Variants in GLDC observed in about 807,000 individuals in gnomAD.
GLDC encodes the protein glycine decarboxylase.
In GLDC, 104 loss-of-function variants were observed where a neutral mutation model predicts 121.3. The ratio of observed to expected loss-of-function variants is 0.86; its 90% CI spans 0.73 to 1.01. The LOEUF (loss-of-function observed/expected upper bound fraction) is 1.01. GLDC is among the 50% of genes least tolerant of loss of function. GLDC has a pLI of 0.00. For missense variants in GLDC, 1,429 were observed against 1,306.6 expected (o/e 1.09, Z -1.44); for synonymous variants, 546 against 480.6 (o/e 1.14, Z -1.78).
chr9:6,599,720 C>CAAAAAAAAAAAAAAAAAAAAAA (rs549444099), intron 8 of GLDC, among the ~76,000 whole-genome samples: 1 of 120,770 alleles, frequency 8.3e-6, no homozygotes, highest in African/African-American at 3.3e-5. Flanking sequence ...GACTCCATCT[C>CAAAAAAAAAAAAAAAAAAAAAA]AAAAAAAAAA....
intron 2 of GLDC, among the ~76,000 whole-genome samples, chr9:6,630,911 C>G (rs1391568940): frequency 6.6e-6 from 1 of 152,220 alleles, no homozygotes; most frequent in Non-Finnish European, 1.5e-5. Flanking sequence ...AGAGCCAACT[C>G]CCTGTTACTT....
rs1177431457 is a variant in GLDC, at chr9:6,582,923, AAAG to A, written c.1850+4215_1850+4217del. On this transcript the variant is annotated intron_variant, in intron 15 of 24. Coordinates refer to ENST00000321612, the MANE Select transcript of GLDC (RefSeq NM_000170.3). ...AAAGGACTTGAATACACGTTTCTCCAAAGAAGATGTACAAATGCATGGTAAGCA... is the reference window on the plus strand; with the variant it reads ...AAAGGACTTGAATACACGTTTCTCCAAAGATGTACAAATGCATGGTAAGCA... Among the ~76,000 whole-genome samples the A allele has an allele frequency of 2.6e-5, 4 of 152,206 alleles. No homozygotes were observed. In the East Asian group the frequency reaches 5.8e-4, roughly 22 times the overall value.
chr9:6,568,289 T>C (rs1817889718), intron 15 of GLDC, among the ~76,000 whole-genome samples: 1 of 152,220 alleles, frequency 6.6e-6, no homozygotes, highest in Admixed American at 6.5e-5. Flanking sequence ...GACACAAGGA[T>C]TACTACTGGG....
At chr9:6,580,602 C>G (rs1818154635) in intron 15 of GLDC, among the ~76,000 whole-genome samples, 1 of 152,160 alleles carries the variant, frequency 6.6e-6, no homozygotes, top group Admixed American at 6.5e-5. Flanking sequence ...AAAACTTGCC[C>G]CAGATCCCAA....
intron 3 of GLDC, among the ~76,000 whole-genome samples, chr9:6,619,394 G>T (rs1049006850): frequency 1.3e-5 from 2 of 151,892 alleles, no homozygotes; most frequent in African/African-American, 4.8e-5. Flanking sequence ...TTTTGGGGGT[G>T]GGAGGGGAAG....
In GLDC at chr9:6,592,846, C is replaced by T. The variant is rs1426503452; in HGVS notation, c.1401+5G>A. 2 of 1,612,386 alleles carry T rather than the reference C, an allele frequency of 1.2e-6. No homozygotes were observed. Among genetic ancestry groups the T allele is most frequent in the Non-Finnish European group, 1.7e-6 (2 of 1,179,570 alleles). ...ACTGGTAAAAATACTGAAAATTTGA[C>T]TTACTGTGCCATCCTCAAAAAGCCG... On this transcript the variant is annotated splice_donor_5th_base_variant and intron_variant, in intron 10 of 24. Coordinates refer to ENST00000321612, the MANE Select transcript of GLDC (RefSeq NM_000170.3).
chr9:6,621,605 C>T (rs985338368), intron 2 of GLDC, among the ~76,000 whole-genome samples: 1 of 152,108 alleles, frequency 6.6e-6, no homozygotes, highest in East Asian at 1.9e-4. Flanking sequence ...GCAACCTCCA[C>T]CTCCCAGGTT....
At chr9:6,605,083 A>C in intron 6 of GLDC, 48 bp downstream of exon 6, 1 of 1,524,274 alleles carries the variant, frequency 6.6e-7, no homozygotes, top group Non-Finnish European at 9.1e-7. Context: ...AGACAGATAC[A>C]AGTTGGGATA....
chr9:6,579,711 A>G (rs1818138655), intron 15 of GLDC, among the ~76,000 whole-genome samples: 1 of 152,084 alleles, frequency 6.6e-6, no homozygotes, highest in South Asian at 2.1e-4. Context: ...TTTACTTAAT[A>G]CTGAATGTCA....
intron 8 of GLDC, among the ~76,000 whole-genome samples, chr9:6,596,921 T>C (rs1818503695): frequency 6.6e-6 from 1 of 152,186 alleles, no homozygotes; most frequent in Non-Finnish European, 1.5e-5. Context: ...ATTACATCCA[T>C]ACAAAAATTT....
chr9:6,562,273 C>G (rs1817773144), intron 16 of GLDC, among the ~76,000 whole-genome samples: 1 of 152,122 alleles, frequency 6.6e-6, no homozygotes, highest in Non-Finnish European at 1.5e-5. Flanking sequence ...ATTTTAGGAA[C>G]CTCTGAAATT....
chr9:6,603,379 G>C (rs190520884), intron 7 of GLDC, among the ~76,000 whole-genome samples: 7 of 152,066 alleles, frequency 4.6e-5, no homozygotes, highest in African/African-American at 1.7e-4. Context: ...CATTTTGGGA[G>C]GCTGGGGTGG....
intron 15 of GLDC, among the ~76,000 whole-genome samples, chr9:6,582,868 T>A (rs1818199410): frequency 6.7e-6 from 1 of 148,614 alleles, no homozygotes; most frequent in African/African-American, 2.5e-5. Context: ...CAACAACAAA[T>A]CTCCCAAGAA....
At position 6,550,359 on chromosome 9, in the gene GLDC, G is replaced by T. The variant is rs574670008; in HGVS notation, c.2569+444C>A. Reference sequence around the variant, plus strand: ...AGTGGTGTTATGGCTGGGCGTGGTGGCTCATGCCTGTAATCCCAGCACTTT... The same window carrying T: ...AGTGGTGTTATGGCTGGGCGTGGTGTCTCATGCCTGTAATCCCAGCACTTT... On this transcript the variant is annotated intron_variant, in intron 21 of 24. Transcript: ENST00000321612. Among the ~76,000 whole-genome samples the T allele has an allele frequency of 2.6e-5, 4 of 152,314 alleles. No individual in the cohort carries two copies. The East Asian group carries it at 7.7e-4, about 29-fold the overall frequency.
Position 6,554,781 on chromosome 9 carries a change from C to T in GLDC, c.2203G>A (p.Val735Met). 6.2e-7 allele frequency: 1 copy of T among 1,610,452 alleles called. No individual in the cohort carries two copies. The change falls in exon 19 of 25, where the codon GTG becomes ATG. Residue 735 changes from valine (V) to methionine (M), a missense_variant and splice_region_variant. Coordinates refer to ENST00000321612, the MANE Select transcript of GLDC (RefSeq NM_000170.3). The part of the protein sequence containing the change: ...YLDGANMNAQ[V>M]GICRPGDFGS... ...AAGTCTCCAGGGCGACAGATTCCCA[C>T]CTACCACAAAGGCAAGGGCCAAAAG... is the stretch of plus-strand genomic sequence containing the variant.
chr9:6,592,552 A>G (rs555998383), intron 10 of GLDC, among the ~76,000 whole-genome samples: 2 of 152,226 alleles, frequency 1.3e-5, no homozygotes, highest in African/African-American at 4.8e-5. Flanking sequence ...CCTGTATATC[A>G]GTTATCAGAG....
chr9:6,577,503 T>G (rs1818089178), intron 15 of GLDC, among the ~76,000 whole-genome samples: 1 of 152,246 alleles, frequency 6.6e-6, no homozygotes, highest in East Asian at 1.9e-4. Context: ...ATGCATTTAG[T>G]TGTTTCACAA....
chr9:6,560,769 C>T (rs1029962942), intron 16 of GLDC, among the ~76,000 whole-genome samples: 1 of 152,198 alleles, frequency 6.6e-6, no homozygotes, highest in African/African-American at 2.4e-5. Context: ...CCAAAGACAT[C>T]CCTGTCCTAA....
intron 15 of GLDC, among the ~76,000 whole-genome samples, chr9:6,585,360 C>G (rs1004432818): frequency 2.0e-5 from 3 of 152,148 alleles, no homozygotes; most frequent in Non-Finnish European, 4.4e-5. Context: ...CATTTAATAA[C>G]TATCATAGAC....
Sources: allele counts gnomAD v4.1 joint callset (sites outside exome capture counted in the v4.1 genomes callset), GRCh38; gene constraint gnomAD v4.1.1; transcripts MANE v1.5; gene names NCBI Gene and HGNC (gene_info 2026-07-23, HGNC 2026-07-21).